TUSC3: variants seen among roughly 807,000 people sequenced by gnomAD.
TUSC3 encodes tumor suppressor candidate 3.
Under a neutral mutation model 44.8 loss-of-function variants are expected in TUSC3, and 45 were observed. The observed-to-expected ratio is 1.00, with a 90% CI of 0.79 to 1.29. The LOEUF (loss-of-function observed/expected upper bound fraction) is 1.29. TUSC3 is among the 50% of genes most tolerant of loss of function. The probability of loss-of-function intolerance (pLI) is 0.00; values close to 1 mark genes in which losing one functional copy is unlikely to be tolerated. For missense variants in TUSC3, 519 were observed against 437.9 expected (o/e 1.19, Z -1.65); for synonymous variants, 212 against 152.9 (o/e 1.39, Z -2.85).
intron 1 of TUSC3, among the ~76,000 whole-genome samples, chr8:15,582,501 T>C (rs1168246111): frequency 1.3e-5 from 2 of 152,234 alleles, no homozygotes; most frequent in Admixed American, 6.5e-5. Flanking sequence ...TCTAAAAATT[T>C]ATGTTTATAT....
chr8:15,697,400 T>C (rs1020867257), intron 6 of TUSC3, among the ~76,000 whole-genome samples: 1 of 152,216 alleles, frequency 6.6e-6, no homozygotes, highest in African/African-American at 2.4e-5. Flanking sequence ...ATTCAGACTT[T>C]TTGATGTAGG....
chr8:15,605,457 T>A (rs114324364), intron 1 of TUSC3, among the ~76,000 whole-genome samples: 1 of 152,114 alleles, frequency 6.6e-6, no homozygotes, highest in African/African-American at 2.4e-5. Context: ...ATTATTGATT[T>A]GCTACACAGT....
chr8:15,484,024 C>A (rs1408420191), intron 2 of TUSC3, among the ~76,000 whole-genome samples: 1 of 152,068 alleles, frequency 6.6e-6, no homozygotes, highest in African/African-American at 2.4e-5. Context: ...GCTATGTGTT[C>A]TCTTTTTCTC....
intron 1 of TUSC3, among the ~76,000 whole-genome samples, chr8:15,440,858 C>A (rs527644672): frequency 2.5e-3 from 384 of 152,242 alleles, no homozygotes; most frequent in Middle Eastern, 0.02. Flanking sequence ...GAGATGCTAG[C>A]AACTGCCTCC....
intron 1 of TUSC3, among the ~76,000 whole-genome samples, chr8:15,597,709 T>G (rs1378781752): frequency 6.6e-6 from 1 of 152,086 alleles, no homozygotes; most frequent in Non-Finnish European, 1.5e-5. Context: ...GTTTGTTCTT[T>G]GAAAATGACC....
chr8:15,630,833 G>C (rs556313121), intron 2 of TUSC3, among the ~76,000 whole-genome samples: 1 of 152,140 alleles, frequency 6.6e-6, no homozygotes, highest in Non-Finnish European at 1.5e-5. Flanking sequence ...CTAAAATCAC[G>C]TGGAAAAGAG....
chr8:15,766,892 A>G (rs891710914), downstream of TUSC3, among the ~76,000 whole-genome samples: 1 of 152,106 alleles, frequency 6.6e-6, no homozygotes, highest in African/African-American at 2.4e-5. Flanking sequence ...GTGTTTTAAA[A>G]AGGACTGGTC....
At chr8:15,807,026 C>G in the TUSC3 span, 1 of 1,431,316 alleles carries the variant, frequency 7.0e-7, no homozygotes, top group South Asian at 1.1e-5. Context: ...CCTGCAGACC[C>G]TGTAAATCCT....
rs73665443 is a variant in TUSC3 at position 15,584,666 on chromosome 8, A to T, written c.139-38414A>T. 8.5e-3 allele frequency among the ~76,000 whole-genome samples: 1,292 copies of T among 151,482 alleles called. 18 individuals are homozygous for T. Among genetic ancestry groups the T allele is most frequent in the African/African-American group, 0.03 (1,252 of 41,320 alleles). On this transcript the variant is annotated intron_variant, in intron 1 of 10. Coordinates refer to ENST00000503731, the MANE Select transcript of TUSC3 (RefSeq NM_006765.4). ...AATGAGGAAGAGTGTGACATGATGG[A>T]GGCTGCCCGTTGGATCTGGAATATG...
chr8:15,626,704 A>G (rs1805525114), intron 2 of TUSC3, among the ~76,000 whole-genome samples: 1 of 152,126 alleles, frequency 6.6e-6, no homozygotes, highest in South Asian at 2.1e-4. Flanking sequence ...TCTTGGAGCA[A>G]GGATTGGGCA....
At chr8:15,504,599 A>T (rs1585068682) in intron 2 of TUSC3, among the ~76,000 whole-genome samples, 1 of 35,890 alleles carries the variant, frequency 2.8e-5, no homozygotes, top group Non-Finnish European at 4.9e-5. Context: ...ATATATATAT[A>T]TATATATATA....
chr8:15,841,760 C>T, the TUSC3 span, among the ~76,000 whole-genome samples: 14 of 152,128 alleles, frequency 9.2e-5, no homozygotes, highest in South Asian at 2.1e-4. Context: ...GCGATTTGAC[C>T]GCCTTGGCCT....
intron 6 of TUSC3, among the ~76,000 whole-genome samples, chr8:15,710,354 T>A (rs1442739336): frequency 6.6e-6 from 1 of 151,896 alleles, no homozygotes; most frequent in Non-Finnish European, 1.5e-5. Context: ...GAAATGATTG[T>A]TTCCTCATTT....
At chr8:15,623,372 G>A in intron 2 of TUSC3, 123 bp downstream of exon 2, 1 of 1,010,974 alleles carries the variant, frequency 9.9e-7, no homozygotes, top group Admixed American at 3.6e-5. Flanking sequence ...ATATAACTGT[G>A]CATTTAAAAA....
At chr8:15,743,986 A>G (rs1399931866) in intron 8 of TUSC3, among the ~76,000 whole-genome samples, 2 of 152,180 alleles carry the variant, frequency 1.3e-5, no homozygotes, top group Non-Finnish European at 2.9e-5. Context: ...TCCCTCTGCT[A>G]CAAGAATCAG....
intron 1 of TUSC3, among the ~76,000 whole-genome samples, chr8:15,542,961 T>C (rs1161522827): frequency 3.3e-5 from 5 of 152,352 alleles, no homozygotes; most frequent in African/African-American, 7.2e-5. Context: ...TCTGATACTT[T>C]ACTCAATAAG....
intron 3 of TUSC3, among the ~76,000 whole-genome samples, chr8:15,656,371 C>G (rs1054200133): frequency 2.0e-5 from 3 of 152,052 alleles, no homozygotes; most frequent in African/African-American, 4.8e-5. Context: ...TTAACTACTT[C>G]TAAAATAAAA....
the TUSC3 span, among the ~76,000 whole-genome samples, chr8:15,787,143 A>G: frequency 6.6e-6 from 1 of 152,062 alleles, no homozygotes; most frequent in African/African-American, 2.4e-5. Context: ...CAGGCTGCCA[A>G]TTACATCATT....
chr8:15,753,129 A>AAT (rs920319007), intron 9 of TUSC3, among the ~76,000 whole-genome samples: 7 of 151,954 alleles, frequency 4.6e-5, no homozygotes, highest in Non-Finnish European at 1.0e-4. Flanking sequence ...CTAATCCTAT[A>AAT]ATGTTCTCTT....
Sources: allele counts gnomAD v4.1 joint callset (sites outside exome capture counted in the v4.1 genomes callset), GRCh38; gene constraint gnomAD v4.1.1; transcripts MANE v1.5; gene names NCBI Gene and HGNC (gene_info 2026-07-23, HGNC 2026-07-21).